The following SVEP1 variants were observed in gnomAD, a reference collection of about 807,000 sequenced individuals.
SVEP1 encodes the protein sushi, von Willebrand factor type A, EGF and pentraxin domain containing 1.
In SVEP1, 164 loss-of-function variants were observed where a neutral mutation model predicts 367.3. The ratio of observed to expected loss-of-function variants is 0.45; its 90% CI spans 0.39 to 0.51. The LOEUF (loss-of-function observed/expected upper bound fraction) is 0.51. Ranked by LOEUF, SVEP1 falls within the 20% of genes least tolerant of loss-of-function variation. The probability of loss-of-function intolerance (pLI) is 0.00; values close to 1 mark genes in which losing one functional copy is unlikely to be tolerated. For synonymous variants in SVEP1, 1,666 were observed against 1,611.6 expected (o/e 1.03, Z -0.81); for missense variants, 4,117 against 4,425.3 (o/e 0.93, Z 1.98).
At chr9:110,431,346 T>C (rs781402851) in intron 32 of SVEP1, among the ~76,000 whole-genome samples, 12 of 152,172 alleles carry the variant, frequency 7.9e-5, no homozygotes, top group Non-Finnish European at 1.2e-4. Context: ...AATAAAGAAC[T>C]GTTTATATGG....
At position 110,404,060 on chromosome 9, in the gene SVEP1, A is replaced by G. The variant is rs369831866; in HGVS notation, c.9666+267T>C. 2.6e-5 allele frequency among the ~76,000 whole-genome samples: 4 copies of G among 152,248 alleles called. No individual in the cohort carries two copies. In the South Asian group the frequency reaches 8.3e-4, roughly 32 times the overall value. On this transcript the variant is annotated intron_variant, in intron 39 of 47. Transcript: ENST00000374469. ...TCTACACAAGGACCCTCTTTTAATA[A>G]GATTTGTGGTTAATTTGTTATAAAT...
At chr9:110,569,470 A>AAAG in intron 1 of SVEP1, among the ~76,000 whole-genome samples, 1 of 151,952 alleles carries the variant, frequency 6.6e-6, no homozygotes, top group South Asian at 2.1e-4. Flanking sequence ...AAAAAAAAAA[A>AAAG]AAAATTTGAG....
rs369480535 is a variant in SVEP1, at chr9:110,406,591, C to A, written c.9009G>T (p.Leu3003=). ...GSWSGSSPSC[L]PCRCSTPVIE... ...TTACTGGTGTGGAACATCTGCAAGG[C>A]AGGCAGGAAGGTGAGCTGCCACTCC... The change falls in exon 38 of 48, where the codon CTG becomes CTT. Residue 3003 remains leucine (L), a synonymous_variant. Coordinates refer to ENST00000374469, the MANE Select transcript of SVEP1 (RefSeq NM_153366.4). The A allele has an allele frequency of 5.3e-5, 86 of 1,613,660 alleles. No homozygotes were observed. The highest frequency in any genetic ancestry group is 1.6e-4 in the Middle Eastern group (1 of 6,084).
intron 8 of SVEP1, 73 bp from the exon 9 acceptor site, chr9:110,489,852 T>C (rs1829340645): frequency 2.7e-6 from 4 of 1,472,566 alleles, no homozygotes; most frequent in Middle Eastern, 1.8e-4. Context: ...TTATATATTA[T>C]TAGTAATGTT....
chr9:110,478,274 T>A (rs943702405), intron 13 of SVEP1, among the ~76,000 whole-genome samples: 4 of 152,206 alleles, frequency 2.6e-5, no homozygotes, highest in Non-Finnish European at 4.4e-5. Context: ...CCATCTGACA[T>A]GCTACATATT....
At chr9:110,464,119 T>A (rs1024660977) in intron 18 of SVEP1, among the ~76,000 whole-genome samples, 1 of 152,154 alleles carries the variant, frequency 6.6e-6, no homozygotes, top group African/African-American at 2.4e-5. Context: ...AAGAGAGAAT[T>A]TTTTACTGTG....
Position 110,503,197 on chromosome 9 carries a change from G to A in SVEP1, c.1324C>T (p.Arg442Cys), listed in dbSNP as rs200840190. 3.2e-4 allele frequency: 518 copies of A among 1,613,044 alleles called. No homozygotes were observed. Among genetic ancestry groups the A allele is most frequent in the Non-Finnish European group, 4.2e-4 (493 of 1,179,640 alleles). Residue 442 changes from arginine (R) to cysteine (C), a missense_variant, in exon 6 of 48, where the codon CGC (arginine) becomes TGC (cysteine). By Grantham distance (180) the Arg-to-Cys change is radical. This residue lies in a region of SVEP1 where 2,174 missense variants were observed against 2,494.3 expected (regional missense o/e 0.87). Transcript: ENST00000374469. ...CTGATGTGGCCATGTTTCGGCTGGC[G>A]GAGATGAGGACATGTTCTTACTATG... ...YCRVRTCPHL[R>C]QPKHGHISCS... is the part of the protein sequence containing the mutation.
chr9:110,429,063 T>G (rs1480263757), intron 35 of SVEP1, 80 bp downstream of exon 35: 1 of 1,190,170 alleles, frequency 8.4e-7, no homozygotes, highest in African/African-American at 1.5e-5. Context: ...AGTGAGACCA[T>G]GTCTCAAAAA....
chr9:110,451,814 A>G (rs575497526), intron 22 of SVEP1, among the ~76,000 whole-genome samples: 4 of 152,232 alleles, frequency 2.6e-5, no homozygotes, highest in Non-Finnish European at 5.9e-5. Context: ...AATGAAGAAA[A>G]TAACTCATTT....
chr9:110,470,387 G>A (rs1426625311), intron 16 of SVEP1, among the ~76,000 whole-genome samples: 1 of 151,892 alleles, frequency 6.6e-6, no homozygotes. Flanking sequence ...GCTAAGACTC[G>A]TGTTGGCTGC....
chr9:110,372,225 C>T (rs1047786832), intron 46 of SVEP1, among the ~76,000 whole-genome samples: 3 of 152,214 alleles, frequency 2.0e-5, no homozygotes, highest in African/African-American at 7.2e-5. Context: ...TGAACTTCAA[C>T]ATTTGGTTAG....
intron 30 of SVEP1, among the ~76,000 whole-genome samples, chr9:110,434,133 T>C (rs1161074367): frequency 6.6e-6 from 1 of 152,210 alleles, no homozygotes; most frequent in Non-Finnish European, 1.5e-5. Flanking sequence ...CTTGGATGCA[T>C]GCACAAATGG....
chr9:110,377,842 C>T (rs555536613), intron 44 of SVEP1, among the ~76,000 whole-genome samples: 1 of 152,282 alleles, frequency 6.6e-6, no homozygotes, highest in African/African-American at 2.4e-5. Context: ...ATAACTGAAA[C>T]TTTGATACCT....
chr9:110,563,228 T>C (rs931960144), intron 1 of SVEP1, among the ~76,000 whole-genome samples: 4 of 152,216 alleles, frequency 2.6e-5, no homozygotes, highest in Admixed American at 6.5e-5. Flanking sequence ...ATCTATTATA[T>C]GGAAAAATTT....
chr9:110,369,829 A>G, intron 47 of SVEP1, 94 bp downstream of exon 47: 1 of 1,004,180 alleles, frequency 1.0e-6, no homozygotes, highest in Non-Finnish European at 1.5e-6. Flanking sequence ...CTTACAGTCA[A>G]ACTAGACAGA....
chr9:110,486,366 A>G (rs112493239), intron 9 of SVEP1, among the ~76,000 whole-genome samples: 263 of 152,314 alleles, frequency 1.7e-3, no homozygotes, highest in African/African-American at 6.0e-3. Flanking sequence ...GCGACAGCAG[A>G]TGTACTGTCT....
At chr9:110,504,954 C>A (rs912241157) in intron 5 of SVEP1, among the ~76,000 whole-genome samples, 4 of 152,128 alleles carry the variant, frequency 2.6e-5, no homozygotes, top group African/African-American at 9.7e-5. Flanking sequence ...TGAGCAGGCA[C>A]AACTTGTGAC....
intron 1 of SVEP1, among the ~76,000 whole-genome samples, chr9:110,563,373 TCTAAG>T (rs553850526): frequency 2.4e-4 from 36 of 152,292 alleles, no homozygotes; most frequent in African/African-American, 7.9e-4. Flanking sequence ...TCCTGCTTTA[TCTAAG>T]CTATTAATTT....
At chr9:110,425,529 G>A (rs12353125) in intron 36 of SVEP1, among the ~76,000 whole-genome samples, 19,938 of 152,148 alleles carry the variant, frequency 0.13, 1,635 homozygotes, top group South Asian at 0.23. Context: ...GCTATAAAGT[G>A]GGAATAATAC....
Sources: allele counts gnomAD v4.1 joint callset (sites outside exome capture counted in the v4.1 genomes callset), GRCh38; gene constraint gnomAD v4.1.1; regional missense constraint gnomAD v4.1.1; transcripts MANE v1.5; gene names NCBI Gene and HGNC (gene_info 2026-07-23, HGNC 2026-07-21).